ADAMTSL1: variants seen among roughly 807,000 people sequenced by gnomAD.
The protein encoded by ADAMTSL1 is ADAMTS-like protein 1.
Under a neutral mutation model 201.8 loss-of-function variants are expected in ADAMTSL1, and 126 were observed. That is an observed-to-expected ratio of 0.62 (90% confidence interval 0.54 to 0.72). The LOEUF is 0.72. Ranked by LOEUF, ADAMTSL1 falls within the 30% of genes least tolerant of loss-of-function variation. The pLI is 0.00. For missense variants in ADAMTSL1, 2,679 were observed against 2,277.8 expected (o/e 1.18, Z -3.59); for synonymous variants, 1,121 against 903.4 (o/e 1.24, Z -4.32).
intron 1 of ADAMTSL1, among the ~76,000 whole-genome samples, chr9:18,042,658 C>G (rs565658408): frequency 6.6e-6 from 1 of 152,104 alleles, no homozygotes; most frequent in African/African-American, 2.4e-5. Context: ...ACTGTTACAG[C>G]CCTTATTTGG....
At chr9:17,969,631 A>C (rs1264162485) in intron 1 of ADAMTSL1, among the ~76,000 whole-genome samples, 1 of 152,106 alleles carries the variant, frequency 6.6e-6, no homozygotes, top group African/African-American at 2.4e-5. Flanking sequence ...GATCTGAAGA[A>C]ATATTTGAGC....
At chr9:18,832,808 T>C (rs541390222) in intron 23 of ADAMTSL1, among the ~76,000 whole-genome samples, 1 of 152,206 alleles carries the variant, frequency 6.6e-6, no homozygotes, top group African/African-American at 2.4e-5. Context: ...AGCCACTGTA[T>C]GTTTCCTCTA....
chr9:18,586,178 G>C (rs1260266008), intron 4 of ADAMTSL1, among the ~76,000 whole-genome samples: 2 of 152,114 alleles, frequency 1.3e-5, no homozygotes, highest in Non-Finnish European at 2.9e-5. Flanking sequence ...ATGATTCTCT[G>C]TCTAGAAAAC....
intron 1 of ADAMTSL1, among the ~76,000 whole-genome samples, chr9:18,065,581 C>T (rs1029600681): frequency 1.3e-5 from 2 of 152,130 alleles, no homozygotes; most frequent in South Asian, 2.1e-4. Context: ...GAAAAATAAA[C>T]ACAGGGGTAA....
intron 3 of ADAMTSL1, among the ~76,000 whole-genome samples, chr9:18,564,365 G>A (rs1289885674): frequency 6.6e-6 from 1 of 152,256 alleles, no homozygotes; most frequent in Middle Eastern, 3.4e-3. Context: ...GTCCCAGTGA[G>A]ATGACCGGGG....
intron 2 of ADAMTSL1, among the ~76,000 whole-genome samples, chr9:18,458,186 T>A (rs1160636469): frequency 6.6e-6 from 1 of 152,198 alleles, no homozygotes; most frequent in Non-Finnish European, 1.5e-5. Context: ...CTGTTTTCAT[T>A]TAAACCAAGA....
chr9:18,004,821 G>T (rs1819749180), intron 1 of ADAMTSL1, among the ~76,000 whole-genome samples: 1 of 152,024 alleles, frequency 6.6e-6, no homozygotes, highest in African/African-American at 2.4e-5. Flanking sequence ...GCTCACAAAA[G>T]CATTGACTGA....
chr9:18,195,423 G>T (rs1176834441), intron 2 of ADAMTSL1, among the ~76,000 whole-genome samples: 1 of 152,092 alleles, frequency 6.6e-6, no homozygotes, highest in Non-Finnish European at 1.5e-5. Flanking sequence ...ACAGGTTATT[G>T]TAGTCTTATC....
intron 15 of ADAMTSL1, among the ~76,000 whole-genome samples, chr9:18,732,374 A>AAAAGGAGT (rs1026683772): frequency 9.2e-5 from 14 of 152,326 alleles, no homozygotes; most frequent in Admixed American, 9.1e-4. Flanking sequence ...GGGGTCCTGA[A>AAAAGGAGT]AAAGGAGTAC....
At position 18,396,611 on chromosome 9, in the gene ADAMTSL1, A is replaced by C. The variant is rs1172100742; in HGVS notation, c.208-108218A>C. Among the ~76,000 whole-genome samples the C allele has an allele frequency of 4.0e-5, 6 of 149,604 alleles. No homozygotes were observed. The East Asian group carries it at 1.2e-3, about 29-fold the overall frequency. On this transcript the variant is annotated intron_variant, in intron 2 of 29. Transcript: ENST00000680146. ...ATTAAATTTTAATAAATATTTTTAT[A>C]ATATTATTTTTATGTTAATAATGTC... is the stretch of plus-strand genomic sequence containing the variant.
intron 2 of ADAMTSL1, among the ~76,000 whole-genome samples, chr9:18,370,445 C>A (rs1054038952): frequency 6.6e-6 from 1 of 152,102 alleles, no homozygotes; most frequent in East Asian, 1.9e-4. Flanking sequence ...ATATGTACCC[C>A]CCCCGAATCC....
intron 5 of ADAMTSL1, among the ~76,000 whole-genome samples, chr9:18,627,297 A>G (rs989423886): frequency 6.6e-6 from 1 of 152,144 alleles, no homozygotes; most frequent in Non-Finnish European, 1.5e-5. Flanking sequence ...TTTAAATTTT[A>G]GCCATTCTTA....
chr9:18,762,216 A>G (rs1217046083), intron 16 of ADAMTSL1, among the ~76,000 whole-genome samples: 1 of 152,180 alleles, frequency 6.6e-6, no homozygotes, highest in Non-Finnish European at 1.5e-5. Context: ...GGAGAGGAAA[A>G]TAGCGGGCAC....
At chr9:18,770,565 G>T (rs371062073) in intron 16 of ADAMTSL1, 37 bp from the exon 17 acceptor site, 3 of 1,573,434 alleles carry the variant, frequency 1.9e-6, no homozygotes, top group East Asian at 2.3e-5. Context: ...TCCCATATTG[G>T]GTCTACTTTT....
chr9:18,129,183 T>C (rs1825853090), intron 1 of ADAMTSL1, among the ~76,000 whole-genome samples: 1 of 152,220 alleles, frequency 6.6e-6, no homozygotes, highest in Non-Finnish European at 1.5e-5. Context: ...GCTAAATATA[T>C]CTTTGCCTCT....
chr9:18,505,899 G>C (rs559345879), intron 2 of ADAMTSL1, among the ~76,000 whole-genome samples: 2 of 152,176 alleles, frequency 1.3e-5, no homozygotes, highest in Admixed American at 6.5e-5. Flanking sequence ...TGAAATCAGC[G>C]TCTGAGCCTT....
chr9:18,227,425 G>A lies in ADAMTSL1; in HGVS notation c.207+63444G>A, dbSNP rs368064480. Among the ~76,000 whole-genome samples the A allele has an allele frequency of 2.0e-4, 31 of 152,264 alleles. No homozygotes were observed. The South Asian group carries it at 6.2e-3, about 31-fold the overall frequency. On this transcript the variant is annotated intron_variant, in intron 2 of 29. Coordinates refer to the ADAMTSL1 transcript ENST00000680146. ...GCTACAGTAGAGGTACATTCAGAGT[G>A]TTCCTCTAATGTTGTCTATAGATTA...
intron 1 of ADAMTSL1, among the ~76,000 whole-genome samples, chr9:18,493,972 CT>C (rs1179442730): frequency 1.3e-5 from 2 of 152,212 alleles, no homozygotes; most frequent in African/African-American, 4.8e-5. Flanking sequence ...ACACAGTCCA[CT>C]TCTGGGGATA....
intron 2 of ADAMTSL1, among the ~76,000 whole-genome samples, chr9:18,441,232 T>C (rs986385287): frequency 9.9e-5 from 15 of 152,194 alleles, no homozygotes; most frequent in Non-Finnish European, 4.4e-5. Context: ...ATGATGGTTG[T>C]ACAATCTTAT....
Sources: allele counts gnomAD v4.1 joint callset (sites outside exome capture counted in the v4.1 genomes callset), GRCh38; gene constraint gnomAD v4.1.1; transcripts MANE v1.5; gene names NCBI Gene and HGNC (gene_info 2026-07-23, HGNC 2026-07-21).